The following THRB variants were observed in gnomAD, a reference collection of about 807,000 sequenced individuals.
THRB encodes nuclear receptor subfamily 1 group A member 2.
In THRB, 12 loss-of-function variants were observed where a neutral mutation model predicts 47.8. The ratio of observed to expected loss-of-function variants is 0.25; its 90% CI spans 0.16 to 0.41. The LOEUF (loss-of-function observed/expected upper bound fraction) is 0.41. Among genes scored for constraint, THRB ranks in the 10% least tolerant of loss-of-function variants. The pLI is 1.00. For missense variants in THRB, 348 were observed against 589.2 expected (o/e 0.59, Z 4.24); for synonymous variants, 218 against 212.2 (o/e 1.03, Z -0.24).
intron 3 of THRB, among the ~76,000 whole-genome samples, chr3:24,286,775 CTA>C (rs1003715859): frequency 7.2e-5 from 11 of 152,256 alleles, no homozygotes; most frequent in Admixed American, 3.3e-4. Context: ...TATGAAAACA[CTA>C]TTTTTTTAAT....
At chr3:24,165,242 C>T (rs2039485333) in intron 5 of THRB, 6 of 765,024 alleles carry the variant, frequency 7.8e-6, no homozygotes, top group Non-Finnish European at 1.4e-5. Flanking sequence ...AGCATCGCAA[C>T]CGCTGTAACC....
intron 3 of THRB, 57 bp from the exon 4 acceptor site, chr3:24,229,058 G>A (rs953281757): frequency 6.5e-6 from 7 of 1,084,278 alleles, no homozygotes; most frequent in African/African-American, 1.6e-5. Flanking sequence ...TTCCATAATG[G>A]TTTTGTTCCA....
intron 4 of THRB, among the ~76,000 whole-genome samples, chr3:24,191,169 C>T (rs2043286249): frequency 1.3e-5 from 2 of 151,862 alleles, no homozygotes; most frequent in African/African-American, 4.8e-5. Flanking sequence ...AAATTTCTGA[C>T]ACTAACCTTC....
intron 5 of THRB, among the ~76,000 whole-genome samples, chr3:24,166,686 C>A (rs570573763): frequency 6.6e-6 from 1 of 152,078 alleles, no homozygotes; most frequent in African/African-American, 2.4e-5. Flanking sequence ...GGATTCCTTC[C>A]GTTTCTTAGG....
chr3:24,329,667 T>C (rs2061793453), intron 2 of THRB, among the ~76,000 whole-genome samples: 1 of 152,228 alleles, frequency 6.6e-6, no homozygotes, highest in African/African-American at 2.4e-5. Flanking sequence ...ATCATCTTTA[T>C]ACATCCATGC....
chr3:24,369,043 A>T (rs2064709919), intron 1 of THRB, among the ~76,000 whole-genome samples: 1 of 152,076 alleles, frequency 6.6e-6, no homozygotes, highest in Non-Finnish European at 1.5e-5. Flanking sequence ...TTATTATTTA[A>T]TTTTTTTGAG....
chr3:24,475,623 T>C (rs1389693492), intron 1 of THRB, among the ~76,000 whole-genome samples: 2 of 152,134 alleles, frequency 1.3e-5, no homozygotes, highest in African/African-American at 4.8e-5. Context: ...TCTGGAACAA[T>C]TAAACATGAC....
At chr3:24,299,766 CTTTTTTATTTATTTATTTATTTA>C in intron 2 of THRB, among the ~76,000 whole-genome samples, 1 of 58,580 alleles carries the variant, frequency 1.7e-5, no homozygotes, top group African/African-American at 8.1e-5. Flanking sequence ...GGGAAGTATG[CTTTTTTATTTATTTATTTATTTA>C]TTTTTTTTTT....
intron 3 of THRB, among the ~76,000 whole-genome samples, chr3:24,259,453 A>C (rs116439379): frequency 1.3e-5 from 2 of 152,306 alleles, no homozygotes; most frequent in African/African-American, 4.8e-5. Flanking sequence ...TTAACAGTGT[A>C]TGTGTATGCT....
intron 3 of THRB, among the ~76,000 whole-genome samples, chr3:24,235,652 T>C (rs1177748431): frequency 6.6e-6 from 1 of 152,104 alleles, no homozygotes; most frequent in Non-Finnish European, 1.5e-5. Context: ...AGCAATTCTC[T>C]TGGTTCATTT....
chr3:24,193,352 G>A (rs2149638942), intron 4 of THRB, among the ~76,000 whole-genome samples: 1 of 152,280 alleles, frequency 6.6e-6, no homozygotes, highest in South Asian at 2.1e-4. Context: ...TGGATAGGGT[G>A]TGGGCATGCA....
intron 4 of THRB, among the ~76,000 whole-genome samples, chr3:24,204,343 AGCAATATTTGCTGTTCT>A (rs1239201565): frequency 4.0e-5 from 6 of 151,466 alleles, no homozygotes; most frequent in African/African-American, 7.4e-5. Flanking sequence ...TTTGCTGTTC[AGCAATATTTGCTGTTCT>A]GCAGCCTTCA....
intron 1 of THRB, among the ~76,000 whole-genome samples, chr3:24,394,568 A>G (rs2066811454): frequency 6.6e-6 from 1 of 152,096 alleles, no homozygotes; most frequent in South Asian, 2.1e-4. Context: ...GCAGTTTCAG[A>G]GAAGAAAATG....
chr3:24,130,821 A>G (rs2033742956), intron 9 of THRB, among the ~76,000 whole-genome samples: 1 of 152,252 alleles, frequency 6.6e-6, no homozygotes, highest in Non-Finnish European at 1.5e-5. Flanking sequence ...TATAGTTGCC[A>G]GAACATTCAC....
intron 1 of THRB, among the ~76,000 whole-genome samples, chr3:24,375,488 T>G (rs1052600304): frequency 6.8e-6 from 1 of 146,076 alleles, no homozygotes; most frequent in African/African-American, 2.5e-5. Flanking sequence ...TAGTTAGACA[T>G]ATAATATTAA....
chr3:24,264,908 T>C (rs1316245934), intron 3 of THRB, among the ~76,000 whole-genome samples: 3 of 152,054 alleles, frequency 2.0e-5, no homozygotes, highest in Non-Finnish European at 4.4e-5. Flanking sequence ...TGGAAGGGAA[T>C]TGTGGGTGAT....
chr3:24,336,479 C>G (rs903433910), intron 2 of THRB, among the ~76,000 whole-genome samples: 1 of 152,186 alleles, frequency 6.6e-6, no homozygotes, highest in Non-Finnish European at 1.5e-5. Context: ...ATAATAAACA[C>G]AGAAAGGAAA....
chr3:24,163,776 T>C (rs2039244067), intron 5 of THRB, among the ~76,000 whole-genome samples: 1 of 152,004 alleles, frequency 6.6e-6, no homozygotes, highest in Non-Finnish European at 1.5e-5. Context: ...TAAATATATT[T>C]CATGCTGTAA....
intron 5 of THRB, among the ~76,000 whole-genome samples, chr3:24,154,645 T>C (rs2037522886): frequency 6.6e-6 from 1 of 152,224 alleles, no homozygotes; most frequent in African/African-American, 2.4e-5. Flanking sequence ...TGTGCTTTTG[T>C]GTGCATATAA....
Sources: gnomAD v4.1 joint callset for allele counts (sites outside exome capture counted in the v4.1 genomes callset) on GRCh38, gnomAD v4.1.1 for gene constraint, MANE v1.5 for transcripts, NCBI Gene and HGNC (gene_info 2026-07-23, HGNC 2026-07-21) for gene names.